Variants in C4orf51 observed in about 807,000 individuals in gnomAD.
C4orf51 encodes uncharacterized protein C4orf51.
A neutral mutation model predicts 25.2 loss-of-function variants in C4orf51; 25 were observed. The observed-to-expected ratio is 0.99, with a 90% confidence interval of 0.72 to 1.39. The LOEUF (loss-of-function observed/expected upper bound fraction) is 1.39, where lower values mean the gene tolerates loss of function less well. Ranked by LOEUF, C4orf51 falls within the 40% of genes most tolerant of loss-of-function variation. C4orf51 has a pLI of 0.00. For synonymous variants in C4orf51, 100 were observed against 84.5 expected (o/e 1.18, Z -1.01); for missense variants, 252 against 239.6 (o/e 1.05, Z -0.34).
intron 2 of C4orf51, among the ~76,000 whole-genome samples, chr4:145,723,312 G>A (rs995090510): frequency 6.6e-6 from 1 of 152,114 alleles, no homozygotes; most frequent in Non-Finnish European, 1.5e-5. Flanking sequence ...ACTCAGAAAG[G>A]ATGGAGAATG....
At chr4:145,752,967 TC>T (rs564609893) in intron 1 of C4orf51, among the ~76,000 whole-genome samples, 4 of 148,870 alleles carry the variant, frequency 2.7e-5, no homozygotes, top group Non-Finnish European at 5.9e-5. Flanking sequence ...GTGCTCTCAC[TC>T]CCCCAAGTAC....
chr4:145,706,538 G>A (rs891575620), intron 2 of C4orf51, among the ~76,000 whole-genome samples: 1 of 152,134 alleles, frequency 6.6e-6, no homozygotes, highest in Non-Finnish European at 1.5e-5. Context: ...GCTTTTATTG[G>A]CTTCATAATT....
chr4:145,775,853 C>T (rs758303642), downstream of C4orf51: 32 of 1,614,028 alleles, frequency 2.0e-5, no homozygotes, highest in East Asian at 4.5e-5. Flanking sequence ...ACAATGTCCT[C>T]GGTGTCTGTA....
At chr4:145,682,067 A>T (rs13137991) in intron 1 of C4orf51, among the ~76,000 whole-genome samples, 43,717 of 152,050 alleles carry the variant, frequency 0.29, 6,484 homozygotes, top group African/African-American at 0.33. Context: ...AAATGCAGGA[A>T]TAGGACATCT....
chr4:145,733,270 C>T (rs1207161529), downstream of C4orf51, among the ~76,000 whole-genome samples: 3 of 152,148 alleles, frequency 2.0e-5, no homozygotes, highest in African/African-American at 7.2e-5. Flanking sequence ...CGATCTTCCT[C>T]CCCTAGCGTC....
chr4:145,680,380 G>T lies in C4orf51; in HGVS notation c.177G>T (p.Lys59Asn). The change falls in exon 1 of 6, where the codon AAG (lysine) becomes AAT (asparagine). Residue 59 changes from lysine to asparagine, a missense_variant. Lys to Asn is a moderately conservative substitution (Grantham distance 94, BLOSUM62 0). Coordinates refer to ENST00000438731, the MANE Select transcript of C4orf51 (RefSeq NM_001080531.3). ...TGSYRKKQLDKSMCSQFSFRA... is the reference protein window; with the variant it reads ...TGSYRKKQLDNSMCSQFSFRA... ...GTTACCGGAAAAAACAACTGGACAA[G>T]TCCATGTGCAGCCAATTTTCTTTTA... 6.2e-7 allele frequency: 1 copy of T among 1,614,002 alleles called. No individual in the cohort carries two copies. Among genetic ancestry groups the T allele is most frequent in the Non-Finnish European group, 8.5e-7 (1 of 1,179,876 alleles).
the C4orf51 span, among the ~76,000 whole-genome samples, chr4:145,784,279 C>T: frequency 1.6e-4 from 25 of 152,300 alleles, no homozygotes; most frequent in Non-Finnish European, 2.4e-4. Context: ...GCTGAGTGAA[C>T]GCCAGCAACC....
At chr4:145,740,835 A>T (rs1296224850) in intron 1 of C4orf51, among the ~76,000 whole-genome samples, 1 of 152,236 alleles carries the variant, frequency 6.6e-6, no homozygotes, top group African/African-American at 2.4e-5. Flanking sequence ...TGATTCTGGC[A>T]TGAACTAATA....
chr4:145,783,640 CA>C, the C4orf51 span, among the ~76,000 whole-genome samples: 1 of 152,204 alleles, frequency 6.6e-6, no homozygotes. Flanking sequence ...AGCCATGTGC[CA>C]AAGTTCTGAG....
Position 145,766,359 on chromosome 4 carries a change from G to C in C4orf51, n.167-4629G>C, listed in dbSNP as rs141826249. ...GGGTTTACCATTACTACTAACAACT[G>C]AAAAAAATCAGACAAAATATACCAA... On this transcript the variant is annotated intron_variant and non_coding_transcript_variant, in intron 1 of 1. Transcript: ENST00000510096. Among the ~76,000 whole-genome samples, 830 of 152,208 alleles carry C rather than the reference G, an allele frequency of 5.5e-3. 6 individuals carry two copies. Among genetic ancestry groups the C allele is most frequent in the African/African-American group, 0.019 (788 of 41,520 alleles).
chr4:145,756,349 T>G (rs1733951601), downstream of C4orf51, among the ~76,000 whole-genome samples: 1 of 152,188 alleles, frequency 6.6e-6, no homozygotes, highest in Admixed American at 6.5e-5. Flanking sequence ...GAGAAATATC[T>G]AATTGTGCTT....
intron 1 of C4orf51, among the ~76,000 whole-genome samples, chr4:145,740,383 C>G (rs971325992): frequency 6.6e-6 from 1 of 151,562 alleles, no homozygotes; most frequent in African/African-American, 2.4e-5. Context: ...TTTGGTTAAT[C>G]TGTAATTAAT....
intron 2 of C4orf51, among the ~76,000 whole-genome samples, chr4:145,707,230 C>CG (rs1730868514): frequency 1.3e-5 from 2 of 152,192 alleles, no homozygotes; most frequent in Non-Finnish European, 2.9e-5. Context: ...TGAGCCACCG[C>CG]GCCAGGCCCA....
chr4:145,749,504 C>T (rs972545783), intron 1 of C4orf51, among the ~76,000 whole-genome samples: 3 of 150,932 alleles, frequency 2.0e-5, no homozygotes, highest in Non-Finnish European at 4.4e-5. Context: ...TTCCTGTCTT[C>T]GTTTTAGTGA....
intron 3 of C4orf51, among the ~76,000 whole-genome samples, chr4:145,728,145 T>G (rs925279469): frequency 6.7e-6 from 1 of 149,912 alleles, no homozygotes; most frequent in Non-Finnish European, 1.5e-5. Flanking sequence ...TGAATATACG[T>G]TTTTGTAGCT....
At chr4:145,748,519 A>T (rs1446051429) in intron 1 of C4orf51, among the ~76,000 whole-genome samples, 1 of 151,982 alleles carries the variant, frequency 6.6e-6, no homozygotes, top group African/African-American at 2.4e-5. Context: ...TGATGCAGGC[A>T]CTTATAGTTA....
the C4orf51 span, among the ~76,000 whole-genome samples, chr4:145,784,613 T>TA: frequency 1.3e-5 from 2 of 152,320 alleles, no homozygotes; most frequent in African/African-American, 2.4e-5. Context: ...GAATTTCCTT[T>TA]AAAAAAACTT....
chr4:145,765,129 G>C lies in C4orf51; in HGVS notation n.167-5859G>C. On this transcript the variant is annotated intron_variant and non_coding_transcript_variant, in intron 1 of 1. Coordinates refer to the C4orf51 transcript ENST00000510096. The surrounding 1 kb of genome is among the most constrained non-coding windows in gnomAD (Gnocchi z 4.7). ...CAGATGACGCTCAAACATGTTCTTC[G>C]TCTTGCAGACAAAGTTGCAAAAAAC... The C allele has an allele frequency of 6.2e-7, 1 of 1,613,612 alleles. No homozygotes were observed. Among genetic ancestry groups the C allele is most frequent in the Non-Finnish European group, 8.5e-7 (1 of 1,179,752 alleles).
At chr4:145,727,961 A>T (rs1732182272) in intron 3 of C4orf51, among the ~76,000 whole-genome samples, 1 of 121,608 alleles carries the variant, frequency 8.2e-6, no homozygotes, top group Non-Finnish European at 1.7e-5. Context: ...TAATAATATA[A>T]TATATAATAT....
Sources: gnomAD v4.1 joint callset for allele counts (sites outside exome capture counted in the v4.1 genomes callset) on GRCh38, gnomAD v4.1.1 for gene constraint, Gnocchi (gnomAD v3.1) non-coding constraint, MANE v1.5 for transcripts, NCBI Gene and HGNC (gene_info 2026-07-23, HGNC 2026-07-21) for gene names.